Variants in CELF2 observed in about 807,000 individuals in gnomAD.
The protein encoded by CELF2 is CUGBP Elav-like family member 2.
CELF2 carries 8 observed loss-of-function variants against 62.6 expected under a neutral mutation model. The observed-to-expected ratio is 0.13, with a 90% CI of 0.07 to 0.23. The LOEUF (loss-of-function observed/expected upper bound fraction) is 0.23, where lower values mean the gene tolerates loss of function less well. Among genes scored for constraint, CELF2 ranks in the 10% least tolerant of loss-of-function variants. The pLI is 1.00. For synonymous variants in CELF2, 258 were observed against 250.0 expected, an observed-to-expected ratio of 1.03 and a Z score of -0.30; for missense variants, 333 against 671.0, an observed-to-expected ratio of 0.50 and a Z score of 5.56.
At position 11,335,630 on chromosome 10, in the gene CELF2, A is replaced by G. The variant is rs2096105407; in HGVS notation, c.*6577A>G. ...TCACTTCTGCTTTCAGTCTCCTCATAGCCTTCGGCAGTCTCCTCTGAAAAC... is the reference window on the plus strand; with the variant it reads ...TCACTTCTGCTTTCAGTCTCCTCATGGCCTTCGGCAGTCTCCTCTGAAAAC... On this transcript the variant is annotated 3_prime_UTR_variant, in exon 13 of 13. Coordinates refer to ENST00000633077, the MANE Select transcript of CELF2 (RefSeq NM_001326342.2). The surrounding 1 kb of genome is among the most constrained non-coding windows in gnomAD (Gnocchi z 5.0). 6.6e-6 allele frequency: 1 copy of G among 151,964 alleles called. No individual in the cohort carries two copies. Among genetic ancestry groups the G allele is most frequent in the Non-Finnish European group, 1.5e-5 (1 of 68,022 alleles). The allele number at this position is 151,964 out of a possible 1,614,324, so 9.4% of individuals were successfully genotyped here.
At chr10:10,625,195 A>G in the CELF2 span, among the ~76,000 whole-genome samples, 1 of 150,728 alleles carries the variant, frequency 6.6e-6, no homozygotes, top group African/African-American at 2.4e-5. Flanking sequence ...TAGGTATGGT[A>G]TTGATAGAAA....
Position 11,335,086 on chromosome 10 carries a change from A to ATAGT in CELF2, c.*6035_*6038dup, listed in dbSNP as rs2096094520. On this transcript the variant is annotated 3_prime_UTR_variant, in exon 13 of 13. Transcript: ENST00000633077. This position sits in a 1 kb window ranked among gnomAD's most constrained non-coding sequence, Gnocchi z 5.0. ...AGTTTCTCACACTCAAGTCGTCTTC[A>ATAGT]TAGTTTACTGTCCTTTTCCAAACAA... is the stretch of plus-strand genomic sequence containing the variant. The ATAGT allele has an allele frequency of 1.3e-5, 2 of 152,210 alleles. No individual in the cohort carries two copies. The highest frequency in any genetic ancestry group is 2.9e-5 in the Non-Finnish European group (2 of 68,044). 9.4% of individuals were successfully genotyped at this position (152,210 alleles called of 1,614,324 possible).
intron 10 of CELF2, chr10:11,317,259 C>G (rs1273226223): frequency 1.3e-5 from 2 of 151,672 alleles, no homozygotes; most frequent in Non-Finnish European, 2.9e-5. Context: ...AGAGAAGATG[C>G]TCCAGGCATA....
chr10:10,968,812 C>G (rs1274825274), intron 2 of CELF2, among the ~76,000 whole-genome samples: 1 of 151,920 alleles, frequency 6.6e-6, no homozygotes, highest in South Asian at 2.1e-4. Flanking sequence ...AATCCATAGA[C>G]TAAAGGTCAA....
intron 1 of CELF2, among the ~76,000 whole-genome samples, chr10:10,815,804 T>C (rs2056403838): frequency 6.6e-6 from 1 of 151,938 alleles, no homozygotes; most frequent in African/African-American, 2.4e-5. Context: ...GTTAGTTAGA[T>C]GGGGAACAGA....
chr10:10,777,508 C>T, the CELF2 span, among the ~76,000 whole-genome samples: 72 of 152,278 alleles, frequency 4.7e-4, no homozygotes, highest in South Asian at 0.015. Context: ...CTCAGTCCAG[C>T]CTTCGCGACA....
At chr10:10,978,887 C>T (rs2051699007) in intron 2 of CELF2, among the ~76,000 whole-genome samples, 1 of 152,206 alleles carries the variant, frequency 6.6e-6, no homozygotes, top group South Asian at 2.1e-4. Context: ...TTGATGGAAG[C>T]ATATCCCATG....
rs1398304172 is a variant in CELF2 at position 11,333,298 on chromosome 10, A to G, written c.*4245A>G. ...TATCCACTTTTATCTTTTAATAAATATCAAAAGGAAAAAGCTGCAAGGGTG... is the reference window on the plus strand; with the variant it reads ...TATCCACTTTTATCTTTTAATAAATGTCAAAAGGAAAAAGCTGCAAGGGTG... On this transcript the variant is annotated 3_prime_UTR_variant, in exon 13 of 13. Transcript: ENST00000633077. The G allele has an allele frequency of 6.6e-6, 1 of 152,660 alleles. No homozygotes were observed. The highest frequency in any genetic ancestry group is 6.5e-5 in the Admixed American group (1 of 15,294). 9.5% of individuals were successfully genotyped at this position (152,660 alleles called of 1,614,324 possible).
intron 1 of CELF2, among the ~76,000 whole-genome samples, chr10:11,031,259 C>T (rs1287776189): frequency 1.3e-5 from 2 of 152,088 alleles, no homozygotes; most frequent in Non-Finnish European, 1.5e-5. Context: ...AAGTAGGCCT[C>T]GTAAGTAGGC....
chr10:11,225,418 C>G (rs1185460681), intron 3 of CELF2, among the ~76,000 whole-genome samples: 1 of 152,204 alleles, frequency 6.6e-6, no homozygotes, highest in Non-Finnish European at 1.5e-5. Context: ...TTGCAAAACT[C>G]TTCTTTGCTG....
intron 9 of CELF2, among the ~76,000 whole-genome samples, chr10:11,289,472 T>C (rs1480743744): frequency 6.6e-6 from 1 of 152,202 alleles, no homozygotes; most frequent in Non-Finnish European, 1.5e-5. Context: ...GAGGGAGGAA[T>C]GAGGCAGGTT....
chr10:11,251,986 CT>C (rs1328193275), intron 4 of CELF2, among the ~76,000 whole-genome samples: 1 of 152,182 alleles, frequency 6.6e-6, no homozygotes, highest in Non-Finnish European at 1.5e-5. Flanking sequence ...GCCAGTGCTC[CT>C]TTTGCTTTGC....
chr10:10,702,427 C>A, the CELF2 span, among the ~76,000 whole-genome samples: 1 of 152,162 alleles, frequency 6.6e-6, no homozygotes, highest in Non-Finnish European at 1.5e-5. Context: ...GCCTGCCAGT[C>A]CAAATAAATC....
chr10:10,790,847 T>C, the CELF2 span, among the ~76,000 whole-genome samples: 1 of 152,180 alleles, frequency 6.6e-6, no homozygotes, highest in African/African-American at 2.4e-5. Context: ...TCTTTCTGAT[T>C]GTCAGTTAGA....
At chr10:10,476,378 A>G in the CELF2 span, among the ~76,000 whole-genome samples, 11 of 152,114 alleles carry the variant, frequency 7.2e-5, no homozygotes, top group Non-Finnish European at 1.3e-4. Context: ...CTTGAATTTC[A>G]AGGCTGTCTT....
At chr10:10,730,118 C>A in the CELF2 span, among the ~76,000 whole-genome samples, 1 of 152,108 alleles carries the variant, frequency 6.6e-6, no homozygotes, top group Non-Finnish European at 1.5e-5. Context: ...GGGACTTTTC[C>A]AATCTCTTGT....
Position 11,018,088 on chromosome 10 carries a change from A to T in CELF2, c.-2A>T. On this transcript the variant is annotated 5_prime_UTR_variant, in exon 1 of 13. Transcript: ENST00000633077. ...CCGCTGCCGCCGCGTGCGCCCGCGA[A>T]CATGACTTCTGCCTTCAAGCTGGAT... 1 of 1,477,418 alleles carries T rather than the reference A, an allele frequency of 6.8e-7. No individual in the cohort carries two copies. Among genetic ancestry groups the T allele is most frequent in the South Asian group, 1.2e-5 (1 of 80,896 alleles). 91.5% of individuals were successfully genotyped at this position (1,477,418 alleles called of 1,614,324 possible).
chr10:11,153,740 G>A lies in CELF2; in HGVS notation c.75-11746G>A, dbSNP rs554085406. ...ATCCAAGAAGAAAAATTCTTCCTGGGTGATTTTGACACTGTGAAATGTTGA... is the reference window on the plus strand; with the variant it reads ...ATCCAAGAAGAAAAATTCTTCCTGGATGATTTTGACACTGTGAAATGTTGA... On this transcript the variant is annotated intron_variant, in intron 1 of 12. Transcript: ENST00000633077. 8.9e-4 allele frequency among the ~76,000 whole-genome samples: 135 copies of A among 152,350 alleles called. 1 individual carries two copies. The highest frequency in any genetic ancestry group is 1.5e-3 in the Non-Finnish European group (99 of 68,026).
At chr10:11,160,923 A>G (rs2065577975) in intron 1 of CELF2, among the ~76,000 whole-genome samples, 1 of 152,240 alleles carries the variant, frequency 6.6e-6, no homozygotes, top group African/African-American at 2.4e-5. Flanking sequence ...ACAAGATAAA[A>G]GAATAGAAAT....
Sources: gnomAD v4.1 joint callset for allele counts (sites outside exome capture counted in the v4.1 genomes callset) on GRCh38, gnomAD v4.1.1 for gene constraint, Gnocchi (gnomAD v3.1) non-coding constraint, MANE v1.5 for transcripts, NCBI Gene and HGNC (gene_info 2026-07-23, HGNC 2026-07-21) for gene names.